DNAH9: variants seen among roughly 807,000 people sequenced by gnomAD.
DNAH9 encodes dynein axonemal heavy chain 9.
Under a neutral mutation model 471.6 loss-of-function variants are expected in DNAH9, and 345 were observed. The observed-to-expected ratio is 0.73, with a 90% CI of 0.67 to 0.80. The LOEUF is 0.80. Among genes scored for constraint, DNAH9 ranks in the 30% least tolerant of loss-of-function variants. The pLI is 0.00. For synonymous variants in DNAH9, 2,093 were observed against 2,123.6 expected, an observed-to-expected ratio of 0.99 and a Z score of 0.40; for missense variants, 5,407 against 5,609.2, an observed-to-expected ratio of 0.96 and a Z score of 1.15.
At chr17:11,607,564 G>A (rs1287241996) in intron 1 of DNAH9, among the ~76,000 whole-genome samples, 1 of 151,994 alleles carries the variant, frequency 6.6e-6, no homozygotes. Flanking sequence ...AGAGTTTTTT[G>A]TTTTTTCTTT....
chr17:11,690,248 C>A lies in DNAH9; in HGVS notation c.4426C>A (p.Gln1476Lys). 1 of 1,614,184 alleles carries A rather than the reference C, an allele frequency of 6.2e-7. No individual in the cohort carries two copies. Reference sequence around the variant, plus strand: ...CCTCATAGAGGTTCTGGAGGATAATCAAGTTCAACTTCAGAACCTGGTGAT... The same window carrying A: ...CCTCATAGAGGTTCTGGAGGATAATAAAGTTCAACTTCAGAACCTGGTGAT... ...EDLIEVLEDNQVQLQNLVMSK... is the reference protein window; with the variant it reads ...EDLIEVLEDNKVQLQNLVMSK... Residue 1476 changes from glutamine (Q) to lysine (K), a missense_variant, in exon 20 of 69, where the codon CAA becomes AAA. Coordinates refer to ENST00000262442, the MANE Select transcript of DNAH9 (RefSeq NM_001372.4).
At chr17:11,603,080 CA>C (rs1216032313) in intron 1 of DNAH9, among the ~76,000 whole-genome samples, 1 of 152,212 alleles carries the variant, frequency 6.6e-6, no homozygotes, top group Non-Finnish European at 1.5e-5. Context: ...TCAGTTGGTG[CA>C]ACCACAATCC....
chr17:11,812,882 G>A (rs1432530264), intron 45 of DNAH9, among the ~76,000 whole-genome samples: 1 of 152,048 alleles, frequency 6.6e-6, no homozygotes, highest in Non-Finnish European at 1.5e-5. Context: ...ATGAGAGAAG[G>A]ATCCAACTTC....
chr17:11,948,197 C>T (rs567632494), intron 67 of DNAH9, among the ~76,000 whole-genome samples: 31 of 147,328 alleles, frequency 2.1e-4, no homozygotes, highest in Admixed American at 5.4e-4. Flanking sequence ...TAAAGTCTGG[C>T]TTGCTGACTG....
chr17:11,800,106 C>T (rs1054822821), intron 43 of DNAH9, among the ~76,000 whole-genome samples: 5 of 152,184 alleles, frequency 3.3e-5, no homozygotes, highest in Non-Finnish European at 7.4e-5. Context: ...AAACTCCCAG[C>T]GCCTTATTCC....
chr17:11,698,271 AAT>A (rs1269828917), intron 22 of DNAH9, among the ~76,000 whole-genome samples: 4 of 131,156 alleles, frequency 3.0e-5, no homozygotes, highest in Non-Finnish European at 6.1e-5. Flanking sequence ...ATAATTATAT[AAT>A]ATATTATATA....
chr17:11,799,727 G>C (rs139235623), intron 43 of DNAH9, among the ~76,000 whole-genome samples: 1 of 152,084 alleles, frequency 6.6e-6, no homozygotes, highest in Non-Finnish European at 1.5e-5. Flanking sequence ...GGGATTACAG[G>C]TGCCCACCAC....
At position 11,933,887 on chromosome 17, in the gene DNAH9, A is replaced by G. The variant is rs745831092; in HGVS notation, c.12305A>G (p.Tyr4102Cys). The G allele has an allele frequency of 2.5e-6, 4 of 1,612,284 alleles. No individual in the cohort carries two copies. The highest frequency in any genetic ancestry group is 1.3e-5 in the African/African-American group (1 of 74,986). Residue 4102 changes from tyrosine to cysteine, a missense_variant, in exon 65 of 69, where the codon TAT becomes TGT. Tyr to Cys is a radical substitution (Grantham distance 194, BLOSUM62 -2). Around this residue, in one of 3 missense-constraint regions of DNAH9, gnomAD observed 4,636 missense variants for 4,900.3 expected, o/e 0.95. Coordinates refer to ENST00000262442, the MANE Select transcript of DNAH9 (RefSeq NM_001372.4). Reference protein sequence around the residue: ...NFLEANAKVPYDDLRYLFGEI... With the variant: ...NFLEANAKVPCDDLRYLFGEI... The stretch of plus-strand genomic sequence containing the variant: ...CTTTCCCCCATCACTCAGGTCCCCT[A>G]TGATGATTTGCGCTACCTGTTTGGA...
At chr17:11,745,206 A>C (rs2075502945) in intron 31 of DNAH9, 122 bp downstream of exon 31, 1 of 805,094 alleles carries the variant, frequency 1.2e-6, no homozygotes, top group South Asian at 1.8e-5. Flanking sequence ...TCTAGTTAGT[A>C]ATAACTCAAT....
intron 67 of DNAH9, among the ~76,000 whole-genome samples, chr17:11,947,782 T>A (rs971418176): frequency 2.8e-5 from 4 of 140,636 alleles, no homozygotes; most frequent in Admixed American, 7.2e-5. Context: ...ATTTTTTTTT[T>A]TTTTTTTTTT....
At chr17:11,612,125 TG>T in intron 4 of DNAH9, 1 of 559,156 alleles carries the variant, frequency 1.8e-6, no homozygotes, top group Non-Finnish European at 3.2e-6. Flanking sequence ...ACAATGTTCC[TG>T]GAGCTGTCCC....
rs1423423015 is a variant in DNAH9, at chr17:11,857,896, A to G, written c.9933+3468A>G. Among the ~76,000 whole-genome samples the G allele has an allele frequency of 2.0e-5, 3 of 152,132 alleles. No individual in the cohort carries two copies. In the East Asian group the frequency reaches 5.8e-4, roughly 29 times the overall value. ...CTGCTTTGCCTTCCACCATGAGTAG[A>G]AGCTCCCTGAGGCCTCCCCAGAGAA... On this transcript the variant is annotated intron_variant, in intron 50 of 68. Transcript: ENST00000262442.
At chr17:11,651,770 G>A (rs530170015) in intron 13 of DNAH9, among the ~76,000 whole-genome samples, 10 of 152,172 alleles carry the variant, frequency 6.6e-5, no homozygotes, top group Admixed American at 2.0e-4. Context: ...TGACAAATTA[G>A]ATTTGAGGTG....
rs772211329 is a variant in DNAH9 at position 11,781,115 on chromosome 17, T to C, written c.7659T>C (p.Asp2553=). 1.2e-6 allele frequency: 2 copies of C among 1,614,174 alleles called. No individual in the cohort carries two copies. Among genetic ancestry groups the C allele is most frequent in the South Asian group, 2.2e-5 (2 of 91,086 alleles). The change falls in exon 39 of 69, where the codon GAT becomes GAC. Residue 2553 remains aspartate, a synonymous_variant. Transcript: ENST00000262442. ...ATGACATGAACATGCCTGAGGTGGATGCCTACGGGACGGTGCAGCCCCACA... is the reference window on the plus strand; with the variant it reads ...ATGACATGAACATGCCTGAGGTGGACGCCTACGGGACGGTGCAGCCCCACA... The part of the protein sequence containing the change: ...FIDDMNMPEV[D]AYGTVQPHTI...
At chr17:11,670,963 A>G (rs774507558) in intron 17 of DNAH9, among the ~76,000 whole-genome samples, 1 of 152,158 alleles carries the variant, frequency 6.6e-6, no homozygotes, top group Non-Finnish European at 1.5e-5. Context: ...TTGACTTCCC[A>G]AAGTGCTGGG....
intron 65 of DNAH9, among the ~76,000 whole-genome samples, chr17:11,934,363 G>A (rs1164421149): frequency 6.6e-6 from 1 of 150,398 alleles, no homozygotes; most frequent in Non-Finnish European, 1.5e-5. Context: ...GTCATTCTGT[G>A]TGTTGCTGTT....
intron 5 of DNAH9, among the ~76,000 whole-genome samples, 185 bp from the exon 6 acceptor site, chr17:11,619,363 T>TG (rs1418921091): frequency 6.6e-6 from 1 of 152,122 alleles, no homozygotes; most frequent in African/African-American, 2.4e-5. Context: ...GTAGCTTCAG[T>TG]GACTAAGACT....
At chr17:11,961,208 A>T (rs370148165) in intron 67 of DNAH9, among the ~76,000 whole-genome samples, 2 of 152,024 alleles carry the variant, frequency 1.3e-5, no homozygotes, top group East Asian at 1.9e-4. Context: ...CCAGCTACTC[A>T]AGAGACTGAG....
chr17:11,836,027 A>G (rs369908481), intron 49 of DNAH9, among the ~76,000 whole-genome samples: 5 of 152,192 alleles, frequency 3.3e-5, no homozygotes, highest in East Asian at 1.9e-4. Flanking sequence ...GGAGAAACAT[A>G]TTAAGCTCAC....
Sources: gnomAD v4.1 joint callset for allele counts (sites outside exome capture counted in the v4.1 genomes callset) on GRCh38, gnomAD v4.1.1 for gene constraint, gnomAD v4.1.1 regional missense constraint, MANE v1.5 for transcripts, NCBI Gene and HGNC (gene_info 2026-07-23, HGNC 2026-07-21) for gene names.